Variants in MTA3 observed in about 807,000 individuals in gnomAD.
The protein encoded by MTA3 is metastasis-associated protein MTA3.
A neutral mutation model predicts 83.5 loss-of-function variants in MTA3; 34 were observed. That is an observed-to-expected ratio of 0.41 (90% CI 0.31 to 0.54). MTA3 has a LOEUF of 0.54. Among genes scored for constraint, MTA3 ranks in the 20% least tolerant of loss-of-function variants. The pLI is 0.33. For missense variants in MTA3, 761 were observed against 726.4 expected (o/e 1.05, Z -0.55); for synonymous variants, 303 against 252.7 (o/e 1.20, Z -1.89).
At chr2:42,740,653 A>G (rs1235106864) in intron 16 of MTA3, among the ~76,000 whole-genome samples, 3 of 152,268 alleles carry the variant, frequency 2.0e-5, no homozygotes, top group Non-Finnish European at 4.4e-5. Flanking sequence ...TGGGTGACCA[A>G]GTGCATTGTT....
At chr2:42,738,032 C>A (rs995929327) in intron 16 of MTA3, among the ~76,000 whole-genome samples, 1 of 152,294 alleles carries the variant, frequency 6.6e-6, no homozygotes, top group South Asian at 2.1e-4. Flanking sequence ...GAGGCCAAGG[C>A]AGGCAGATTG....
chr2:42,702,776 T>C (rs1665701572), intron 11 of MTA3: 1 of 152,230 alleles, frequency 6.6e-6, no homozygotes, highest in African/African-American at 2.4e-5. Flanking sequence ...ACCTGTGCAG[T>C]GTTCTGGGGC....
At chr2:42,542,225 G>A (rs1298121837) in intron 2 of MTA3, among the ~76,000 whole-genome samples, 1 of 152,248 alleles carries the variant, frequency 6.6e-6, no homozygotes, top group African/African-American at 2.4e-5. Flanking sequence ...GGACAGGGGA[G>A]CGGGGTCCCA....
chr2:42,585,936 C>T (rs925887367), intron 3 of MTA3, among the ~76,000 whole-genome samples: 1 of 151,768 alleles, frequency 6.6e-6, no homozygotes, highest in African/African-American at 2.4e-5. Flanking sequence ...ACACCTGTGT[C>T]TCTTTAAAAA....
intron 8 of MTA3, among the ~76,000 whole-genome samples, chr2:42,679,713 G>A (rs1691697301): frequency 6.6e-6 from 1 of 152,126 alleles, no homozygotes; most frequent in Non-Finnish European, 1.5e-5. Context: ...GGCTGTACTC[G>A]TTTTTTAAGC....
intron 2 of MTA3, among the ~76,000 whole-genome samples, chr2:42,521,493 A>C (rs1375314106): frequency 1.3e-5 from 2 of 152,192 alleles, no homozygotes; most frequent in Admixed American, 1.3e-4. Flanking sequence ...TTATCACATA[A>C]CAATAGATAA....
At chr2:42,616,249 G>T (rs1684871834) in intron 4 of MTA3, among the ~76,000 whole-genome samples, 1 of 151,998 alleles carries the variant, frequency 6.6e-6, no homozygotes, top group East Asian at 1.9e-4. Flanking sequence ...TTTTAGTTGA[G>T]ACGGGGTTTC....
chr2:42,535,541 T>G lies in MTA3; in HGVS notation c.-140-34896T>G, dbSNP rs751362065. ...TGCACCCAACTCCCTTCCTTCCTTT[T>G]AAGGAGACTACCCAGAAATACCATG... is the stretch of plus-strand genomic sequence containing the variant. On this transcript the variant is annotated intron_variant, in intron 2 of 17. Transcript: ENST00000405592. 9.0e-4 allele frequency among the ~76,000 whole-genome samples: 137 copies of G among 152,338 alleles called. 1 individual carries two copies. Among genetic ancestry groups the G allele is most frequent in the African/African-American group, 3.2e-3 (134 of 41,572 alleles).
intron 4 of MTA3, 95 bp downstream of exon 4, chr2:42,609,679 T>C (rs951058332): frequency 8.8e-6 from 12 of 1,361,340 alleles, no homozygotes; most frequent in Non-Finnish European, 5.0e-6. Flanking sequence ...CTCAGGATCT[T>C]GCTTAAACTA....
chr2:42,746,993 A>T (rs1304296576), intron 16 of MTA3, among the ~76,000 whole-genome samples: 1 of 149,854 alleles, frequency 6.7e-6, no homozygotes, highest in Admixed American at 6.8e-5. Context: ...TTGTCTGTTC[A>T]GGTTCTAATT....
chr2:42,709,340 A>T (rs1666404370), intron 14 of MTA3: 2 of 1,302,620 alleles, frequency 1.5e-6, no homozygotes, highest in Non-Finnish European at 2.0e-6. Flanking sequence ...TGCTTAGCAA[A>T]AGATTGGTGG....
At chr2:42,620,886 G>A (rs1482946604) in intron 4 of MTA3, among the ~76,000 whole-genome samples, 3 of 152,260 alleles carry the variant, frequency 2.0e-5, no homozygotes, top group African/African-American at 7.2e-5. Context: ...GATAATCACT[G>A]AAAGCTAAAC....
intron 2 of MTA3, among the ~76,000 whole-genome samples, chr2:42,519,786 A>G (rs959670615): frequency 6.6e-6 from 1 of 151,994 alleles, no homozygotes; most frequent in Non-Finnish European, 1.5e-5. Context: ...ACGGTGGCTC[A>G]CACTTGTAAT....
intron 2 of MTA3, among the ~76,000 whole-genome samples, chr2:42,555,101 C>T (rs989642344): frequency 1.4e-5 from 2 of 147,378 alleles, no homozygotes; most frequent in African/African-American, 2.5e-5. Flanking sequence ...TGCAGTGAGC[C>T]GGGATCTATG....
At chr2:42,589,018 T>C (rs1378322466) in intron 3 of MTA3, among the ~76,000 whole-genome samples, 1 of 152,176 alleles carries the variant, frequency 6.6e-6, no homozygotes, top group Non-Finnish European at 1.5e-5. Flanking sequence ...CCCACCCTGA[T>C]TGTGGAGGCC....
intron 9 of MTA3, 70 bp downstream of exon 9, chr2:42,682,659 C>A: frequency 1.5e-6 from 2 of 1,356,902 alleles, no homozygotes; most frequent in Non-Finnish European, 2.0e-6. Flanking sequence ...TCTGGTAAAC[C>A]TTACAGTATT....
At chr2:42,553,903 G>A (rs1572973066) in intron 2 of MTA3, among the ~76,000 whole-genome samples, 6 of 123,932 alleles carry the variant, frequency 4.8e-5, no homozygotes, top group Admixed American at 1.7e-4. Context: ...AAAAACGAAA[G>A]AAAGAAAGAA....
chr2:42,726,471 C>T (rs1667827165), intron 16 of MTA3, among the ~76,000 whole-genome samples: 1 of 151,876 alleles, frequency 6.6e-6, no homozygotes, highest in Non-Finnish European at 1.5e-5. Flanking sequence ...CGTCATTTAG[C>T]ATTAGGTATA....
intron 9 of MTA3, among the ~76,000 whole-genome samples, chr2:42,692,982 G>T (rs1010487589): frequency 6.6e-6 from 1 of 152,204 alleles, no homozygotes; most frequent in Non-Finnish European, 1.5e-5. Flanking sequence ...GGTTTTTGCA[G>T]ACTCAAAGTA....
Sources: gnomAD v4.1 joint callset for allele counts (sites outside exome capture counted in the v4.1 genomes callset) on GRCh38, gnomAD v4.1.1 for gene constraint, MANE v1.5 for transcripts, NCBI Gene and HGNC (gene_info 2026-07-23, HGNC 2026-07-21) for gene names.